Variants in SEMA3D observed in about 807,000 individuals in gnomAD.
SEMA3D encodes semaphorin 3D, also known as semaphorin-3D.
A neutral mutation model predicts 100.1 loss-of-function variants in SEMA3D; 84 were observed. That is an observed-to-expected ratio of 0.84 (90% confidence interval 0.70 to 1.01). The LOEUF (loss-of-function observed/expected upper bound fraction) is 1.01, where lower values mean the gene tolerates loss of function less well. SEMA3D is among the 50% of genes least tolerant of loss of function. The pLI is 0.00. For missense variants in SEMA3D, 875 were observed against 934.1 expected, an observed-to-expected ratio of 0.94 and a Z score of 0.82; for synonymous variants, 312 against 320.7, an observed-to-expected ratio of 0.97 and a Z score of 0.29.
At chr7:85,140,409 T>C in intron 2 of SEMA3D, 1 of 983,610 alleles carries the variant, frequency 1.0e-6, no homozygotes, top group Non-Finnish European at 1.2e-6. Flanking sequence ...AATTACAGTT[T>C]TCTCATCTTT....
In SEMA3D at chr7:85,168,865, GAAAGAAAGAAAGA is replaced by G. The variant is rs1372837747; in HGVS notation, c.-172-15139_-172-15127del. Among the ~76,000 whole-genome samples the G allele has an allele frequency of 6.3e-4, 83 of 130,948 alleles. 1 individual carries two copies. Among genetic ancestry groups the G allele is most frequent in the African/African-American group, 2.3e-3 (80 of 35,312 alleles). The allele number at this position is 130,948 out of a possible 152,430, so 85.9% of individuals were successfully genotyped here. On this transcript the variant is annotated intron_variant, in intron 1 of 18. Transcript: ENST00000284136. ...AGAAAGAAAGAAAGAAAGAAAGAAA[GAAAGAAAGAAAGA>G]AAAGAAAGAAAGAAAAAGAGAAACA...
the SEMA3D span, among the ~76,000 whole-genome samples, chr7:85,214,175 G>A: frequency 6.6e-6 from 1 of 152,060 alleles, no homozygotes; most frequent in African/African-American, 2.4e-5. Flanking sequence ...TATTGTTTTG[G>A]TTAGTTGACA....
chr7:85,090,483 T>C (rs536027426), intron 4 of SEMA3D, among the ~76,000 whole-genome samples: 6 of 152,298 alleles, frequency 3.9e-5, no homozygotes, highest in African/African-American at 1.4e-4. Context: ...AGTTAATTTA[T>C]TAGGATGTCC....
chr7:85,228,904 A>C, the SEMA3D span, among the ~76,000 whole-genome samples: 1 of 152,074 alleles, frequency 6.6e-6, no homozygotes, highest in African/African-American at 2.4e-5. Flanking sequence ...CAATGTTGGT[A>C]ATCCCAAAGG....
At chr7:85,022,947 T>C (rs1347908725) in intron 12 of SEMA3D, among the ~76,000 whole-genome samples, 3 of 151,936 alleles carry the variant, frequency 2.0e-5, no homozygotes, top group South Asian at 2.1e-4. Context: ...AACTGATCTA[T>C]AAACATGAGA....
intron 1 of SEMA3D, chr7:85,163,226 C>T (rs1790797429): frequency 1.3e-5 from 2 of 152,206 alleles, no homozygotes; most frequent in African/African-American, 4.8e-5. Flanking sequence ...ATCTTGACAG[C>T]TTAGTAGGAG....
chr7:85,182,105 A>AT (rs1791426828), intron 1 of SEMA3D, among the ~76,000 whole-genome samples: 1 of 151,302 alleles, frequency 6.6e-6, no homozygotes, highest in Non-Finnish European at 1.5e-5. Context: ...TTTAGTTATT[A>AT]TTTAGGTATT....
At chr7:85,158,377 T>A (rs955106833) in intron 1 of SEMA3D, among the ~76,000 whole-genome samples, 1 of 152,166 alleles carries the variant, frequency 6.6e-6, no homozygotes, top group African/African-American at 2.4e-5. Flanking sequence ...CGGCTGTCTT[T>A]TATGATCATA....
At chr7:85,210,912 T>G in the SEMA3D span, among the ~76,000 whole-genome samples, 1 of 152,072 alleles carries the variant, frequency 6.6e-6, no homozygotes, top group African/African-American at 2.4e-5. Flanking sequence ...TTTTTATTCA[T>G]GTATTAATGT....
chr7:85,121,546 A>G (rs1228119916), intron 3 of SEMA3D, among the ~76,000 whole-genome samples, 195 bp downstream of exon 3: 2 of 152,202 alleles, frequency 1.3e-5, no homozygotes, highest in Non-Finnish European at 2.9e-5. Context: ...TGAAAAGGGT[A>G]CTTGAATAGC....
Position 85,179,426 on chromosome 7 carries a change from A to T in SEMA3D, c.-173+7252T>A, listed in dbSNP as rs144326984. Reference sequence around the variant, plus strand: ...TATCAGCATAACCTGGATATGAGACATGGAGTCAAAGGAGATCATTTTGGA... The same window carrying T: ...TATCAGCATAACCTGGATATGAGACTTGGAGTCAAAGGAGATCATTTTGGA... On this transcript the variant is annotated intron_variant, in intron 1 of 18. Coordinates refer to ENST00000284136, the MANE Select transcript of SEMA3D (RefSeq NM_001384900.1). Among the ~76,000 whole-genome samples, 422 of 152,300 alleles carry T rather than the reference A, an allele frequency of 2.8e-3. 1 individual carries two copies. The highest frequency in any genetic ancestry group is 9.6e-3 in the African/African-American group (399 of 41,578).
In SEMA3D at chr7:85,083,825, C is replaced by T. The variant is rs376457667; in HGVS notation, c.313-2246G>A. ...TCGCGCCACTGCACTCCAGCCTGGG[C>T]GACAGAGCGAGACTCCGTCTCAAAA... On this transcript the variant is annotated intron_variant, in intron 4 of 18. Coordinates refer to ENST00000284136, the MANE Select transcript of SEMA3D (RefSeq NM_001384900.1). Among the ~76,000 whole-genome samples the T allele has an allele frequency of 8.6e-5, 11 of 128,292 alleles. No homozygotes were observed. In the East Asian group the frequency reaches 9.4e-4, roughly 11 times the overall value. 84.2% of individuals were successfully genotyped at this position (128,292 alleles called of 152,430 possible). A position where few individuals can be genotyped will look rare whatever the true frequency, so the allele number is the denominator to read the frequency against.
At chr7:85,079,412 T>G (rs143880610) in intron 5 of SEMA3D, among the ~76,000 whole-genome samples, 4 of 152,298 alleles carry the variant, frequency 2.6e-5, no homozygotes, top group African/African-American at 9.6e-5. Context: ...AAGCTCCTCA[T>G]ATATTTAATC....
chr7:85,055,980 A>T (rs1791308424), intron 8 of SEMA3D, 121 bp from the exon 9 acceptor site: 2 of 509,102 alleles, frequency 3.9e-6, no homozygotes. Flanking sequence ...ACTATAAGCC[A>T]GATGTGGGAA....
chr7:85,163,046 A>T (rs1407853231), intron 1 of SEMA3D: 1 of 876,278 alleles, frequency 1.1e-6, no homozygotes, highest in Non-Finnish European at 1.4e-6. Context: ...AGAATATAAA[A>T]GAAGTATATA....
chr7:85,134,143 C>T (rs1206595201), intron 2 of SEMA3D, among the ~76,000 whole-genome samples: 1 of 151,898 alleles, frequency 6.6e-6, no homozygotes, highest in East Asian at 1.9e-4. Flanking sequence ...TATGCACTGC[C>T]AAACTGAAAT....
intron 2 of SEMA3D, among the ~76,000 whole-genome samples, chr7:85,143,757 T>A (rs993977046): frequency 3.3e-5 from 5 of 151,626 alleles, no homozygotes; most frequent in Non-Finnish European, 7.4e-5. Context: ...AGTCTTGCTC[T>A]ATCACCCAGG....
intron 2 of SEMA3D, among the ~76,000 whole-genome samples, chr7:85,125,074 T>TA: frequency 6.6e-6 from 1 of 152,094 alleles, no homozygotes; most frequent in Non-Finnish European, 1.5e-5. Flanking sequence ...CCATACCCTC[T>TA]AAAAAAAGTG....
chr7:85,237,134 T>A, the SEMA3D span, among the ~76,000 whole-genome samples: 1 of 152,166 alleles, frequency 6.6e-6, no homozygotes, highest in East Asian at 1.9e-4. Flanking sequence ...ATTAATAAAC[T>A]TTTTTAGAGC....
Sources: allele counts gnomAD v4.1 joint callset (sites outside exome capture counted in the v4.1 genomes callset), GRCh38; gene constraint gnomAD v4.1.1; transcripts MANE v1.5; gene names NCBI Gene and HGNC (gene_info 2026-07-23, HGNC 2026-07-21).